Variants in IL1RAPL1 observed in about 807,000 individuals in gnomAD.
IL1RAPL1 encodes the protein interleukin-1 receptor accessory protein-like 1.
IL1RAPL1 carries 3 observed loss-of-function variants against 48.4 expected under a neutral mutation model. That is an observed-to-expected ratio of 0.06 (90% confidence interval 0.03 to 0.16). The LOEUF (loss-of-function observed/expected upper bound fraction) is 0.16. Among genes scored for constraint, IL1RAPL1 ranks in the 10% least tolerant of loss-of-function variants. IL1RAPL1 has a pLI of 1.00. For missense variants in IL1RAPL1, 349 were observed against 530.6 expected (o/e 0.66, Z 3.36); for synonymous variants, 185 against 187.7 (o/e 0.99, Z 0.12).
At chrX:29,475,439 T>G (rs926536929) in intron 5 of IL1RAPL1, among the ~76,000 whole-genome samples, 2 of 112,081 alleles carry the variant, frequency 1.8e-5, no homozygotes, top group East Asian at 5.5e-4. Context: ...ACCACTCTAC[T>G]GTGACTTTAT....
chrX:29,861,107 T>C (rs1931574241), intron 6 of IL1RAPL1, among the ~76,000 whole-genome samples: 1 of 112,112 alleles, frequency 8.9e-6, no homozygotes, highest in Non-Finnish European at 1.9e-5. Flanking sequence ...TGGAAAGCAC[T>C]CTTTTTTCTT....
chrX:29,503,507 A>T (rs776544315), intron 5 of IL1RAPL1, among the ~76,000 whole-genome samples: 3 of 112,091 alleles, frequency 2.7e-5, no homozygotes, highest in Non-Finnish European at 5.6e-5. Flanking sequence ...CTTTGCTAGT[A>T]GTACTGCTTT....
At chrX:29,320,648 G>A (rs1404877771) in intron 3 of IL1RAPL1, among the ~76,000 whole-genome samples, 7 of 109,445 alleles carry the variant, frequency 6.4e-5, no homozygotes, top group Admixed American at 5.9e-4. Flanking sequence ...GTGGTGGCGT[G>A]TGCCTCAAAA....
intron 5 of IL1RAPL1, among the ~76,000 whole-genome samples, chrX:29,603,073 C>G (rs1923775162): frequency 9.1e-6 from 1 of 110,315 alleles, no homozygotes; most frequent in Non-Finnish European, 1.9e-5. Context: ...CGAGACCAGT[C>G]TGGCCAAGCT....
At chrX:29,552,578 A>G (rs1270435334) in intron 5 of IL1RAPL1, among the ~76,000 whole-genome samples, 1 of 111,354 alleles carries the variant, frequency 9.0e-6, no homozygotes, top group Non-Finnish European at 1.9e-5. Context: ...GGCATTAGAT[A>G]CATTCACATT....
At chrX:29,898,156 A>AC (rs2147224721) in intron 6 of IL1RAPL1, among the ~76,000 whole-genome samples, 1 of 112,205 alleles carries the variant, frequency 8.9e-6, no homozygotes, top group African/African-American at 3.2e-5. Context: ...GTTTGACTAA[A>AC]CAGTGATATA....
intron 2 of IL1RAPL1, among the ~76,000 whole-genome samples, chrX:28,835,981 A>G (rs916916678): frequency 9.0e-6 from 1 of 110,580 alleles, no homozygotes; most frequent in African/African-American, 3.3e-5. Flanking sequence ...ATATTTCCCT[A>G]TGTTAGGGAG....
chrX:28,601,036 T>A (rs1934018680), intron 1 of IL1RAPL1, among the ~76,000 whole-genome samples: 1 of 111,898 alleles, frequency 8.9e-6, no homozygotes, highest in South Asian at 3.7e-4. Context: ...CAGTAAGTTT[T>A]TAAAGTACTG....
intron 6 of IL1RAPL1, among the ~76,000 whole-genome samples, chrX:29,707,558 G>A (rs750218170): frequency 8.9e-6 from 1 of 112,050 alleles, no homozygotes; most frequent in Non-Finnish European, 1.9e-5. Flanking sequence ...ATCAACAAGT[G>A]GATAAAGAAA....
rs112369503 is a variant in IL1RAPL1, at chrX:28,789,101, G to A, written c.-24-219G>A. On this transcript the variant is annotated intron_variant, in intron 1 of 10. Transcript: ENST00000378993. ...GAACATAAGATTTTAAAGCATTTTG[G>A]GGGTGAGGGCTATGGAGGCATAATT... Among the ~76,000 whole-genome samples, 365 of 111,488 alleles carry A rather than the reference G, an allele frequency of 3.3e-3. 3 individuals carry two copies. Among genetic ancestry groups the A allele is most frequent in the African/African-American group, 0.011 (351 of 30,707 alleles).
chrX:29,137,708 T>A (rs1440040264), intron 2 of IL1RAPL1, among the ~76,000 whole-genome samples: 1 of 112,590 alleles, frequency 8.9e-6, no homozygotes, highest in Non-Finnish European at 1.9e-5. Context: ...TTTTTGTTAG[T>A]TGACCTATCT....
intron 2 of IL1RAPL1, among the ~76,000 whole-genome samples, chrX:28,926,495 A>T (rs771131746): frequency 9.9e-5 from 11 of 110,908 alleles, no homozygotes; most frequent in Admixed American, 1.9e-4. Flanking sequence ...AGTGGTCAGC[A>T]CAAGGAAAAA....
At position 29,901,560 on chromosome X, in the gene IL1RAPL1, G is replaced by A. The variant is rs183402116; in HGVS notation, c.779-15904G>A. On this transcript the variant is annotated intron_variant, in intron 6 of 10. Coordinates refer to ENST00000378993, the MANE Select transcript of IL1RAPL1 (RefSeq NM_014271.4). ...TCCTCCTCCTTTCATTTTTCTTTCC[G>A]TCTTGCTCCTCCTTTTCATATTCCA... Among the ~76,000 whole-genome samples the A allele has an allele frequency of 1.3e-4, 14 of 110,967 alleles. No individual in the cohort carries two copies. The South Asian group carries it at 1.9e-3, about 15-fold the overall frequency.
chrX:28,967,494 A>T (rs1034645863), intron 2 of IL1RAPL1, among the ~76,000 whole-genome samples: 2 of 111,349 alleles, frequency 1.8e-5, no homozygotes, highest in Non-Finnish European at 3.8e-5. Context: ...TTCTACTTTC[A>T]ATACATAACA....
At chrX:29,061,665 G>T in intron 2 of IL1RAPL1, among the ~76,000 whole-genome samples, 1 of 111,833 alleles carries the variant, frequency 8.9e-6, no homozygotes, top group Non-Finnish European at 1.9e-5. Flanking sequence ...CACCATTTTG[G>T]CCAGGCTGCT....
chrX:29,434,195 T>C (rs1934454821), intron 5 of IL1RAPL1, among the ~76,000 whole-genome samples: 1 of 110,635 alleles, frequency 9.0e-6, no homozygotes, highest in African/African-American at 3.3e-5. Context: ...ATTCTTTTCA[T>C]ACTGAAATTT....
At chrX:29,761,358 CT>C (rs1233090001) in intron 6 of IL1RAPL1, among the ~76,000 whole-genome samples, 16 of 110,792 alleles carry the variant, frequency 1.4e-4, no homozygotes, top group Non-Finnish European at 2.5e-4. Flanking sequence ...CCAAAGAAAC[CT>C]TTAATTGTAG....
chrX:29,220,312 A>G (rs1930950832), intron 2 of IL1RAPL1, among the ~76,000 whole-genome samples: 1 of 112,577 alleles, frequency 8.9e-6, no homozygotes, highest in Admixed American at 9.4e-5. Flanking sequence ...CTTGAAGTAA[A>G]AGATATTTAC....
intron 2 of IL1RAPL1, among the ~76,000 whole-genome samples, chrX:29,271,003 A>G (rs1320024405): frequency 9.0e-6 from 1 of 111,401 alleles, no homozygotes; most frequent in Non-Finnish European, 1.9e-5. Flanking sequence ...TTCAATGTTC[A>G]CACTCCTCCC....
Sources: allele counts gnomAD v4.1 joint callset (sites outside exome capture counted in the v4.1 genomes callset), GRCh38; gene constraint gnomAD v4.1.1; transcripts MANE v1.5; gene names NCBI Gene and HGNC (gene_info 2026-07-23, HGNC 2026-07-21).